Variants in IKZF2 observed in about 807,000 individuals in gnomAD.
The protein encoded by IKZF2 is IKAROS family zinc finger 2.
IKZF2 carries 15 observed loss-of-function variants against 49.2 expected under a neutral mutation model. That is an observed-to-expected ratio of 0.30 (90% CI 0.20 to 0.47). The LOEUF is 0.47. IKZF2 is among the 20% of genes least tolerant of loss of function. IKZF2 has a pLI of 1.00. For missense variants in IKZF2, 567 were observed against 664.6 expected (o/e 0.85, Z 1.61); for synonymous variants, 227 against 221.4 (o/e 1.03, Z -0.23).
At chr2:213,121,189 T>C (rs2060045834) in intron 4 of IKZF2, among the ~76,000 whole-genome samples, 1 of 152,240 alleles carries the variant, frequency 6.6e-6, no homozygotes, top group South Asian at 2.1e-4. Flanking sequence ...AGTTATCCTA[T>C]AGGATCTTTT....
chr2:213,083,371 T>C (rs1020464823), intron 4 of IKZF2, among the ~76,000 whole-genome samples: 4 of 144,772 alleles, frequency 2.8e-5, no homozygotes, highest in South Asian at 2.2e-4. Context: ...TAGATTCTCA[T>C]AGGACGGCGA....
intron 4 of IKZF2, among the ~76,000 whole-genome samples, chr2:213,086,267 TG>T (rs1195588291): frequency 6.6e-6 from 1 of 152,198 alleles, no homozygotes; most frequent in Non-Finnish European, 1.5e-5. Flanking sequence ...CCTGGAATGC[TG>T]TAACTGTTTG....
chr2:213,057,136 A>G (rs778033904), intron 4 of IKZF2, 37 bp from the exon 5 acceptor site: 2 of 1,559,852 alleles, frequency 1.3e-6, no homozygotes, highest in Non-Finnish European at 1.7e-6. Flanking sequence ...TTTTAAATAC[A>G]TGTTATGTAT....
chr2:213,016,753 A>T (rs1213432884), intron 7 of IKZF2, among the ~76,000 whole-genome samples: 1 of 152,170 alleles, frequency 6.6e-6, no homozygotes, highest in East Asian at 1.9e-4. Flanking sequence ...GTTGATAACC[A>T]TAACGGCAAA....
Position 213,071,008 on chromosome 2 carries a change from T to A in IKZF2, c.140-13909A>T, listed in dbSNP as rs977311725. Among the ~76,000 whole-genome samples, 15 of 152,174 alleles carry A rather than the reference T, an allele frequency of 9.9e-5. 1 individual carries two copies. The highest frequency in any genetic ancestry group is 1.9e-4 in the Non-Finnish European group (13 of 68,024). ...TGGGCGTCCTTCAACATTAGCCATT[T>A]AATTACCAAACAAATCTTTCCAATA... On this transcript the variant is annotated intron_variant, in intron 4 of 8. Coordinates refer to ENST00000434687, the MANE Select transcript of IKZF2 (RefSeq NM_001387220.1).
chr2:213,112,993 C>T (rs2125783918), intron 4 of IKZF2, among the ~76,000 whole-genome samples: 1 of 152,182 alleles, frequency 6.6e-6, no homozygotes, highest in Non-Finnish European at 1.5e-5. Flanking sequence ...AAAGCAAAAA[C>T]TTGCATCCCC....
upstream of IKZF2, chr2:213,151,695 C>T (rs1019908042): frequency 3.4e-5 from 5 of 148,460 alleles, no homozygotes; most frequent in African/African-American, 1.2e-4. Context: ...CGCGCAGACG[C>T]CCGCGGGCGG....
At chr2:213,113,727 A>G (rs1285356926) in intron 4 of IKZF2, among the ~76,000 whole-genome samples, 1 of 152,070 alleles carries the variant, frequency 6.6e-6, no homozygotes, top group Non-Finnish European at 1.5e-5. Flanking sequence ...TACTTGGCAC[A>G]TACGTTTTTT....
At position 213,056,764 on chromosome 2, in the gene IKZF2, A is replaced by T. The variant is rs750025530; in HGVS notation, c.406+69T>A. 1.5e-4 allele frequency: 232 copies of T among 1,576,884 alleles called. 1 individual carries two copies. Among genetic ancestry groups the T allele is most frequent in the Middle Eastern group, 5.0e-4 (3 of 5,998 alleles). On this transcript the variant is annotated intron_variant, in intron 5 of 8. Transcript: ENST00000434687. ...CCACCCCTGAATAAAAAGGAAAGAG[A>T]ATAGATGTCAGGTAATATCAACATC... is the stretch of plus-strand genomic sequence containing the variant.
intron 4 of IKZF2, chr2:213,097,959 C>A (rs1465254320): frequency 9.8e-6 from 3 of 305,952 alleles, no homozygotes; most frequent in Admixed American, 3.9e-5. Context: ...TTGAAAAAGA[C>A]CCTATAAATT....
intron 4 of IKZF2, among the ~76,000 whole-genome samples, chr2:213,062,327 T>C (rs1701771561): frequency 6.6e-6 from 1 of 151,602 alleles, no homozygotes; most frequent in Admixed American, 6.6e-5. Context: ...GTTAGTCAAG[T>C]TTCCTAACCA....
chr2:213,026,102 C>G (rs1697790613), intron 6 of IKZF2, among the ~76,000 whole-genome samples: 1 of 152,034 alleles, frequency 6.6e-6, no homozygotes, highest in Admixed American at 6.6e-5. Flanking sequence ...CATTCAGCAC[C>G]CTATACCATC....
intron 4 of IKZF2, among the ~76,000 whole-genome samples, chr2:213,099,492 C>T (rs1706405134): frequency 1.3e-5 from 2 of 152,124 alleles, no homozygotes; most frequent in African/African-American, 2.4e-5. Context: ...GAGCAACGTA[C>T]GTGATGAAGC....
intron 4 of IKZF2, among the ~76,000 whole-genome samples, chr2:213,137,430 C>A (rs527484405): frequency 5.2e-4 from 79 of 152,078 alleles, no homozygotes; most frequent in Non-Finnish European, 1.0e-3. Flanking sequence ...TGATTAGGTA[C>A]CACCTATTTT....
intron 4 of IKZF2, among the ~76,000 whole-genome samples, chr2:213,133,037 C>T (rs1485240478): frequency 6.6e-6 from 1 of 152,196 alleles, no homozygotes; most frequent in Non-Finnish European, 1.5e-5. Flanking sequence ...CCATGCAATG[C>T]TTTGGACTAA....
At position 213,068,349 on chromosome 2, in the gene IKZF2, T is replaced by C. The variant is rs987899584; in HGVS notation, c.140-11250A>G. Among the ~76,000 whole-genome samples, 4 of 152,222 alleles carry C rather than the reference T, an allele frequency of 2.6e-5. No homozygotes were observed. The South Asian group carries it at 8.3e-4, about 32-fold the overall frequency. On this transcript the variant is annotated intron_variant, in intron 4 of 8. Transcript: ENST00000434687. ...GATTTAGCACTGAAGATCACATCTA[T>C]GTCACCTGGAATTGTACAAGTTACC...
chr2:213,070,729 C>T (rs1702609721), intron 4 of IKZF2, among the ~76,000 whole-genome samples: 1 of 152,126 alleles, frequency 6.6e-6, no homozygotes, highest in South Asian at 2.1e-4. Context: ...CATGGGAGCA[C>T]GGTCTCAGTG....
At chr2:213,072,361 T>C (rs1702805398) in intron 4 of IKZF2, among the ~76,000 whole-genome samples, 1 of 151,938 alleles carries the variant, frequency 6.6e-6, no homozygotes, top group South Asian at 2.1e-4. Context: ...AATTCTTTTC[T>C]TTAAAAACTC....
chr2:213,014,015 T>A, intron 7 of IKZF2, 81 bp from the exon 8 acceptor site: 1 of 1,332,732 alleles, frequency 7.5e-7, no homozygotes, highest in Non-Finnish European at 1.1e-6. Flanking sequence ...GCCATCTCGA[T>A]ATGTGTTATA....
Sources: allele counts gnomAD v4.1 joint callset (sites outside exome capture counted in the v4.1 genomes callset), GRCh38; gene constraint gnomAD v4.1.1; transcripts MANE v1.5; gene names NCBI Gene and HGNC (gene_info 2026-07-23, HGNC 2026-07-21).